The following IFT88 variants were observed in gnomAD, a reference collection of about 807,000 sequenced individuals.
The protein encoded by IFT88 is intraflagellar transport protein 88 homolog.
In IFT88, 74 loss-of-function variants were observed where a neutral mutation model predicts 119.5. The observed-to-expected ratio is 0.62, with a 90% CI of 0.51 to 0.75. The LOEUF (loss-of-function observed/expected upper bound fraction) is 0.75. Ranked by LOEUF, IFT88 falls within the 30% of genes least tolerant of loss-of-function variation. The pLI, the probability that IFT88 is intolerant of heterozygous loss-of-function variation, is 0.00. For missense variants in IFT88, 961 were observed against 977.7 expected (o/e 0.98, Z 0.23); for synonymous variants, 279 against 316.7 (o/e 0.88, Z 1.26).
intron 12 of IFT88, among the ~76,000 whole-genome samples, chr13:20,603,995 A>T (rs1374617318): frequency 6.6e-6 from 1 of 152,194 alleles, no homozygotes; most frequent in Non-Finnish European, 1.5e-5. Context: ...GGGGAGGTCA[A>T]GGGTTTAGTG....
chr13:20,624,076 A>G (rs958147232), intron 14 of IFT88, among the ~76,000 whole-genome samples: 6 of 152,178 alleles, frequency 3.9e-5, no homozygotes, highest in Non-Finnish European at 8.8e-5. Context: ...GTGGTAGAAG[A>G]TATTCATTGA....
intron 13 of IFT88, among the ~76,000 whole-genome samples, chr13:20,606,741 T>C (rs1158560064): frequency 6.6e-6 from 1 of 151,930 alleles, no homozygotes; most frequent in Non-Finnish European, 1.5e-5. Flanking sequence ...TAGCCAGGCA[T>C]GGTGGCATGT....
intron 23 of IFT88, among the ~76,000 whole-genome samples, chr13:20,666,866 T>G (rs1237247447): frequency 1.3e-5 from 2 of 152,250 alleles, no homozygotes; most frequent in Non-Finnish European, 2.9e-5. Context: ...ACATCACTGT[T>G]ATCATTCCCC....
At chr13:20,655,380 A>C (rs1007059220) in intron 21 of IFT88, among the ~76,000 whole-genome samples, 2 of 151,106 alleles carry the variant, frequency 1.3e-5, no homozygotes, top group African/African-American at 4.9e-5. Context: ...TGGAGGTTGC[A>C]GTGAGCCGAG....
chr13:20,605,737 A>G (rs113596523), intron 13 of IFT88, among the ~76,000 whole-genome samples: 6 of 152,200 alleles, frequency 3.9e-5, no homozygotes, highest in African/African-American at 7.2e-5. Flanking sequence ...CTGACCTGCT[A>G]TGAATGGAAG....
intron 5 of IFT88, 50 bp from the exon 6 acceptor site, chr13:20,591,568 A>T: frequency 7.2e-7 from 1 of 1,394,222 alleles, no homozygotes; most frequent in Non-Finnish European, 1.0e-6. Flanking sequence ...AGAACTGTAC[A>T]TAGGAGATAG....
intron 23 of IFT88, among the ~76,000 whole-genome samples, chr13:20,668,046 T>A (rs941552565): frequency 6.6e-6 from 1 of 152,230 alleles, no homozygotes; most frequent in Non-Finnish European, 1.5e-5. Flanking sequence ...AGCAGCTCTG[T>A]ATATGTGGCG....
chr13:20,644,409 G>T (rs2050429580), intron 19 of IFT88, among the ~76,000 whole-genome samples: 1 of 152,116 alleles, frequency 6.6e-6, no homozygotes, highest in Non-Finnish European at 1.5e-5. Flanking sequence ...ACTAAGGCAC[G>T]AGAATTGCCT....
At chr13:20,631,645 G>A (rs1029553563) in intron 16 of IFT88, 2 of 152,392 alleles carry the variant, frequency 1.3e-5, no homozygotes, top group African/African-American at 4.8e-5. Flanking sequence ...TTCAGAGGAG[G>A]CAAATAACAT....
Position 20,615,782 on chromosome 13 carries a change from A to T in IFT88, c.1113-11A>T. 2 of 1,543,096 alleles carry T rather than the reference A, an allele frequency of 1.3e-6. No homozygotes were observed. Among genetic ancestry groups the T allele is most frequent in the Admixed American group, 1.9e-5 (1 of 52,228 alleles). ...ATCTCTAAATACAACTTTTTGGTTT[A>T]TTTGATATAGGAAAGCCATGGCAGA... On this transcript the variant is annotated splice_polypyrimidine_tract_variant and intron_variant, in intron 13 of 25. Transcript: ENST00000351808.
In IFT88 at chr13:20,601,828, T is replaced by G. The variant is rs1254428074; in HGVS notation, c.936T>G (p.Thr312=). ...ATCTGAAGGCAGGCTACAACCTAAC[T>G]ATCTGTTATTTTGCTATTGGAGACC... ...APNLKAGYNL[T]ICYFAIGDRE... Residue 312 remains threonine, a synonymous_variant, in exon 12 of 26, where the codon ACT becomes ACG. Coordinates refer to ENST00000351808, the MANE Select transcript of IFT88 (RefSeq NM_006531.5). 1 of 1,613,126 alleles carries G rather than the reference T, an allele frequency of 6.2e-7. No individual in the cohort carries two copies. Among genetic ancestry groups the G allele is most frequent in the Non-Finnish European group, 8.5e-7 (1 of 1,179,218 alleles).
At chr13:20,634,768 A>G (rs915391494) in intron 16 of IFT88, among the ~76,000 whole-genome samples, 1 of 149,414 alleles carries the variant, frequency 6.7e-6, no homozygotes, top group African/African-American at 2.5e-5. Flanking sequence ...GAGCTTTCTC[A>G]GGAACAATTT....
intron 1 of IFT88, among the ~76,000 whole-genome samples, chr13:20,569,356 G>A (rs985055256): frequency 1.2e-4 from 18 of 146,928 alleles, no homozygotes; most frequent in East Asian, 8.6e-4. Context: ...GGCGGATCAC[G>A]AGGTCAGGAG....
At chr13:20,621,526 TAAAAAAAAAAAA>T (rs200491393) in intron 14 of IFT88, among the ~76,000 whole-genome samples, 99 of 130,784 alleles carry the variant, frequency 7.6e-4, no homozygotes, top group African/African-American at 2.9e-3. Flanking sequence ...CCTGCTGAGA[TAAAAAAAAAAAA>T]AAAAAAAAAA....
chr13:20,670,912 C>G, intron 23 of IFT88, 61 bp from the exon 24 acceptor site: 3 of 1,405,820 alleles, frequency 2.1e-6, no homozygotes, highest in Non-Finnish European at 2.0e-6. Context: ...CCACCTTTAT[C>G]TATATTCAAC....
chr13:20,590,445 A>G (rs1038163357), intron 4 of IFT88, among the ~76,000 whole-genome samples: 5 of 152,198 alleles, frequency 3.3e-5, no homozygotes, highest in Non-Finnish European at 5.9e-5. Context: ...TCAAAAAAAT[A>G]TCTTCAGAAC....
At chr13:20,595,782 G>A (rs2041537106) in intron 7 of IFT88, among the ~76,000 whole-genome samples, 1 of 152,012 alleles carries the variant, frequency 6.6e-6, no homozygotes, top group Admixed American at 6.6e-5. Context: ...GCTCACACCT[G>A]TAATCCCAGC....
intron 22 of IFT88, among the ~76,000 whole-genome samples, chr13:20,662,413 A>C (rs2053964037): frequency 6.6e-6 from 1 of 152,198 alleles, no homozygotes; most frequent in Admixed American, 6.5e-5. Flanking sequence ...AAACTATTCC[A>C]GTCAATAGAA....
At chr13:20,661,525 G>C (rs116590048) in intron 22 of IFT88, among the ~76,000 whole-genome samples, 1,859 of 152,290 alleles carry the variant, frequency 0.012, 37 homozygotes, top group African/African-American at 0.043. Flanking sequence ...CACGAGCCAG[G>C]AGTTCAAGAC....
Sources: allele counts gnomAD v4.1 joint callset (sites outside exome capture counted in the v4.1 genomes callset), GRCh38; gene constraint gnomAD v4.1.1; transcripts MANE v1.5; gene names NCBI Gene and HGNC (gene_info 2026-07-23, HGNC 2026-07-21).